MRC1: variants seen among roughly 807,000 people sequenced by gnomAD.
The protein encoded by MRC1 is mannose receptor C-type 1.
Under a neutral mutation model 102.9 loss-of-function variants are expected in MRC1, and 62 were observed. The ratio of observed to expected loss-of-function variants is 0.60; its 90% CI spans 0.49 to 0.74. The LOEUF (loss-of-function observed/expected upper bound fraction) is 0.74. Ranked by LOEUF, MRC1 falls within the 30% of genes least tolerant of loss-of-function variation. The pLI is 0.00. For missense variants in MRC1, 1,237 were observed against 862.8 expected, an observed-to-expected ratio of 1.43 and a Z score of -5.43; for synonymous variants, 457 against 298.4, an observed-to-expected ratio of 1.53 and a Z score of -5.48.
At chr10:17,873,891 A>C (rs1329988674) in intron 16 of MRC1, 66 bp downstream of exon 16, 1 of 858,460 alleles carries the variant, frequency 1.2e-6, no homozygotes, top group Non-Finnish European at 2.0e-6. Flanking sequence ...TCCTTTCTCA[A>C]TGAAAAAATT....
In MRC1 at chr10:17,823,303, T is replaced by G. The variant is rs1264584332; in HGVS notation, c.291T>G (p.Phe97Leu). Residue 97 changes from phenylalanine to leucine, a missense_variant, in exon 2 of 30, where the codon TTT becomes TTG. Phe to Leu is a conservative substitution (Grantham distance 22). Transcript: ENST00000569591. ...TLYACDSKSE[F>L]QKWECKNDTL... Reference sequence around the variant, plus strand: ...ATGCCTGTGACTCAAAAAGTGAATTTCAGAAATGGGAGTGCAAAAATGACA... The same window carrying G: ...ATGCCTGTGACTCAAAAAGTGAATTGCAGAAATGGGAGTGCAAAAATGACA... 1 of 780,674 alleles carries G rather than the reference T, an allele frequency of 1.3e-6. No homozygotes were observed. Among genetic ancestry groups the G allele is most frequent in the African/African-American group, 1.7e-5 (1 of 59,118 alleles). 48.4% of individuals were successfully genotyped at this position (780,674 alleles called of 1,614,324 possible). A position where few individuals can be genotyped will look rare whatever the true frequency, so the allele number is the denominator to read the frequency against.
chr10:17,834,454 C>G (rs904632631), intron 4 of MRC1, among the ~76,000 whole-genome samples: 1 of 152,100 alleles, frequency 6.6e-6, no homozygotes, highest in Non-Finnish European at 1.5e-5. Context: ...CTCTTGTAGC[C>G]CAGACTGGAG....
At chr10:17,833,909 A>G in intron 4 of MRC1, 70 bp downstream of exon 4, 4 of 765,854 alleles carry the variant, frequency 5.2e-6, no homozygotes, top group Non-Finnish European at 4.9e-6. Context: ...TTAGAAGTCA[A>G]CAGCACAAGT....
chr10:17,811,916 G>A (rs961463254), intron 1 of MRC1, among the ~76,000 whole-genome samples: 5 of 151,948 alleles, frequency 3.3e-5, no homozygotes, highest in African/African-American at 9.7e-5. Context: ...TTCTTGGCCC[G>A]AGAAGCATGT....
intron 18 of MRC1, 74 bp from the exon 19 acceptor site, chr10:17,879,647 G>A (rs1833485947): frequency 1.4e-5 from 11 of 780,520 alleles, no homozygotes; most frequent in Non-Finnish European, 2.6e-5. Flanking sequence ...ACAGGCGTGA[G>A]CCACTGCTCC....
chr10:17,882,575 A>G (rs1833535084), intron 21 of MRC1, among the ~76,000 whole-genome samples: 1 of 152,222 alleles, frequency 6.6e-6, no homozygotes, highest in Non-Finnish European at 1.5e-5. Context: ...AAAATAGAAG[A>G]AAAACATAGG....
rs782061810 is a variant in MRC1 at position 17,845,285 on chromosome 10, G to A, written c.917-4G>A. ...TCCACTTTAACTTTTCCTTTTCCTC[G>A]AAGGAAGTCCATCAGCTGAACCTGG... On this transcript the variant is annotated splice_region_variant and splice_polypyrimidine_tract_variant and intron_variant, in intron 5 of 29. Transcript: ENST00000569591. The A allele has an allele frequency of 1.4e-5, 11 of 780,724 alleles. No homozygotes were observed. The highest frequency in any genetic ancestry group is 8.5e-5 in the Admixed American group (5 of 59,008). The allele number at this position is 780,724 out of a possible 1,614,324, so 48.4% of individuals were successfully genotyped here.
At chr10:17,830,617 T>C (rs1317439861) in intron 3 of MRC1, among the ~76,000 whole-genome samples, 5 of 151,316 alleles carry the variant, frequency 3.3e-5, no homozygotes, top group African/African-American at 1.2e-4. Context: ...GGAAAATTCT[T>C]GGTTCTCTCA....
At chr10:17,879,652 T>A (rs1047976951) in intron 18 of MRC1, 69 bp from the exon 19 acceptor site, 17 of 780,714 alleles carry the variant, frequency 2.2e-5, no homozygotes, top group South Asian at 2.1e-4. Context: ...CGTGAGCCAC[T>A]GCTCCTGGCC....
chr10:17,885,372 C>A lies in MRC1; in HGVS notation c.3084C>A (p.Val1028=). 1.3e-6 allele frequency: 1 copy of A among 780,818 alleles called. No homozygotes were observed. The highest frequency in any genetic ancestry group is 1.7e-5 in the African/African-American group (1 of 59,248). The allele number at this position is 780,818 out of a possible 1,614,324, so 48.4% of individuals were successfully genotyped here. A position where few individuals can be genotyped will look rare whatever the true frequency, so the allele number is the denominator to read the frequency against. Residue 1028 remains valine, a synonymous_variant, in exon 22 of 30, where the codon GTC becomes GTA. Coordinates refer to ENST00000569591, the MANE Select transcript of MRC1 (RefSeq NM_002438.4). ...HTFLWTDGRG[V]HYTNWGKGYP... ...TCCTTTGGACGGATGGACGAGGAGT[C>A]CATTACACAAACTGGGGGAAAGGTT... is the stretch of plus-strand genomic sequence containing the variant.
intron 1 of MRC1, among the ~76,000 whole-genome samples, chr10:17,815,735 C>A (rs1838300707): frequency 6.6e-6 from 1 of 152,122 alleles, no homozygotes; most frequent in Admixed American, 6.5e-5. Context: ...TCAGTAGTTT[C>A]CCTGAATATT....
At chr10:17,860,247 A>G (rs1589182172) in intron 9 of MRC1, among the ~76,000 whole-genome samples, 1 of 147,510 alleles carries the variant, frequency 6.8e-6, no homozygotes, top group South Asian at 2.2e-4. Flanking sequence ...TTTTTCATTT[A>G]TTGTTATGTT....
At chr10:17,810,688 A>G (rs1838207922) in intron 1 of MRC1, among the ~76,000 whole-genome samples, 1 of 152,260 alleles carries the variant, frequency 6.6e-6, no homozygotes, top group African/African-American at 2.4e-5. Context: ...TGAAATGTTT[A>G]GAACAGAGTA....
intron 1 of MRC1, among the ~76,000 whole-genome samples, chr10:17,809,774 A>C (rs1202059389): frequency 6.6e-6 from 1 of 151,832 alleles, no homozygotes; most frequent in Non-Finnish European, 1.5e-5. Context: ...AACCCTACAG[A>C]CCTTCAGTGT....
chr10:17,885,084 T>C (rs1833573654), intron 21 of MRC1, among the ~76,000 whole-genome samples, 185 bp from the exon 22 acceptor site: 1 of 152,200 alleles, frequency 6.6e-6, no homozygotes, highest in South Asian at 2.1e-4. Context: ...CTTTTCAAAG[T>C]CCAAAGCGCA....
chr10:17,881,068 G>A lies in MRC1; in HGVS notation c.2867G>A (p.Cys956Tyr). ...KEGWNFYSNKCFKIFGFMEEE... is the reference protein window; with the variant it reads ...KEGWNFYSNKYFKIFGFMEEE... ...TTCTCTGCCCCTCTTCCATCCCAGT[G>A]TTTCAAAATCTTTGGATTTATGGAA... The change falls in exon 21 of 30, where the codon TGT (cysteine) becomes TAT (tyrosine). Residue 956 changes from cysteine to tyrosine, a missense_variant and splice_region_variant. By Grantham distance (194) the Cys-to-Tyr change is radical (BLOSUM62 -2). Transcript: ENST00000569591. The A allele has an allele frequency of 1.3e-6, 1 of 780,550 alleles. No individual in the cohort carries two copies. The highest frequency in any genetic ancestry group is 2.4e-6 in the Non-Finnish European group (1 of 417,900). The allele number at this position is 780,550 out of a possible 1,614,324, so 48.4% of individuals were successfully genotyped here. A position where few individuals can be genotyped will look rare whatever the true frequency, so the allele number is the denominator to read the frequency against.
intron 12 of MRC1, among the ~76,000 whole-genome samples, chr10:17,868,539 A>G (rs1833310840): frequency 6.6e-6 from 1 of 152,208 alleles, no homozygotes; most frequent in African/African-American, 2.4e-5. Context: ...ATTTGAGATG[A>G]GATTTGGGTG....
chr10:17,821,801 T>A (rs1006105752), intron 1 of MRC1, among the ~76,000 whole-genome samples: 2,212 of 152,310 alleles, frequency 0.015, 24 homozygotes, highest in Non-Finnish European at 0.022. Context: ...CTTTGTTTGA[T>A]TTCGCTGGAA....
chr10:17,867,265 C>T (rs1198229091), intron 12 of MRC1, among the ~76,000 whole-genome samples: 2 of 149,062 alleles, frequency 1.3e-5, no homozygotes, highest in African/African-American at 4.9e-5. Flanking sequence ...TCCCCTTCCT[C>T]CTCCTCCTCT....
Sources: allele counts gnomAD v4.1 joint callset (sites outside exome capture counted in the v4.1 genomes callset), GRCh38; gene constraint gnomAD v4.1.1; transcripts MANE v1.5; gene names NCBI Gene and HGNC (gene_info 2026-07-23, HGNC 2026-07-21).